The following CARMIL3 variants were observed in gnomAD, a reference collection of about 807,000 sequenced individuals.
CARMIL3 encodes capping protein, Arp2/3 and myosin-I linker protein 3.
In CARMIL3, 88 loss-of-function variants were observed where a neutral mutation model predicts 180.8. That is an observed-to-expected ratio of 0.49 (90% CI 0.41 to 0.58). The LOEUF is 0.58. Ranked by LOEUF, CARMIL3 falls within the 20% of genes least tolerant of loss-of-function variation. The pLI is 0.00. For missense variants in CARMIL3, 1,548 were observed against 1,787.0 expected (o/e 0.87, Z 2.41); for synonymous variants, 696 against 714.5 (o/e 0.97, Z 0.41).
intron 14 of CARMIL3, 137 bp downstream of exon 14, chr14:24,057,381 G>C: frequency 1.3e-6 from 1 of 785,584 alleles, no homozygotes; most frequent in Non-Finnish European, 2.2e-6. Flanking sequence ...GAAGTATAAA[G>C]CAATGTCCAT....
rs769637300 is a variant in CARMIL3 at position 24,065,766 on chromosome 14, G to A, written c.3525+16G>A. The stretch of plus-strand genomic sequence containing the variant: ...GAAACGAGAGGTGAGTGGAGCCTGG[G>A]ACAACAAACTGTGGGTCCTGAGGGT... On this transcript the variant is annotated intron_variant, in intron 34 of 39. Coordinates refer to ENST00000342740, the MANE Select transcript of CARMIL3 (RefSeq NM_138360.4). 1.9e-6 allele frequency: 3 copies of A among 1,613,156 alleles called. No individual in the cohort carries two copies. Among genetic ancestry groups the A allele is most frequent in the South Asian group, 1.1e-5 (1 of 90,986 alleles).
Position 24,057,895 on chromosome 14 carries a change from G to A in CARMIL3, c.1217+16G>A, listed in dbSNP as rs1255855227. 3.1e-6 allele frequency: 5 copies of A among 1,612,932 alleles called. No homozygotes were observed. The highest frequency in any genetic ancestry group is 2.7e-5 in the African/African-American group (2 of 74,866). On this transcript the variant is annotated intron_variant, in intron 15 of 39. Transcript: ENST00000342740. ...GCTCCCACAGGTGGGAGAGGAGGGG[G>A]AAGGGAGGACAGGGCAAGACATGGC...
chr14:24,068,786 C>T lies in CARMIL3; in HGVS notation c.3802C>T (p.Leu1268=). Residue 1268 remains leucine (L), a splice_region_variant and synonymous_variant, in exon 38 of 40, where the codon CTA becomes TTA. Transcript: ENST00000342740. ...CCCAGCATCTTCCTTCCTCTGCCAG[C>T]TACAGGACCCCGCTCTAGCTCCATG... The part of the protein sequence containing the change: ...ERTLPARNAK[L]QDPALAPWPP... 2 of 1,614,066 alleles carry T rather than the reference C, an allele frequency of 1.2e-6. No individual in the cohort carries two copies. Among genetic ancestry groups the T allele is most frequent in the African/African-American group, 1.3e-5 (1 of 75,056 alleles).
intron 14 of CARMIL3, 49 bp from the exon 15 acceptor site, chr14:24,057,754 C>G: frequency 6.5e-7 from 1 of 1,527,232 alleles, no homozygotes; most frequent in Non-Finnish European, 8.9e-7. Flanking sequence ...TCCTGCCACC[C>G]CCTACCCCCT....
Position 24,065,651 on chromosome 14 carries a change from G to A in CARMIL3, c.3426G>A (p.Gly1142=), listed in dbSNP as rs112875120. The A allele has an allele frequency of 1.9e-3, 3,016 of 1,613,322 alleles. 75 individuals carry two copies. The African/African-American group carries it at 0.034, about 18-fold the overall frequency. The change falls in exon 34 of 40, where the codon GGG becomes GGA. Residue 1142 remains glycine, a synonymous_variant. Transcript: ENST00000342740. The stretch of plus-strand genomic sequence containing the variant: ...CTGAGGGGTCAGAGCCAGGGGAGGG[G>A]GGCCCAGCCCCTGGGACAGCACAGC... ...MGTEGSEPGE[G]GPAPGTAQQP...
In CARMIL3 at chr14:24,065,878, C is replaced by G. The variant is rs575649259; in HGVS notation, c.3525+128C>G. 11 of 1,347,234 alleles carry G rather than the reference C, an allele frequency of 8.2e-6. No homozygotes were observed. In the East Asian group the frequency reaches 2.5e-4, roughly 30 times the overall value. The allele number at this position is 1,347,234 out of a possible 1,614,324, so 83.5% of individuals were successfully genotyped here. ...ATGCTTTGGCATTAGAAGATGTTAG[C>G]TGCTCTTCAGCCCCCACCACACACT... On this transcript the variant is annotated intron_variant, in intron 34 of 39. Transcript: ENST00000342740.
rs747254517 is a variant in CARMIL3 at position 24,054,478 on chromosome 14, G to C, written c.329G>C (p.Ser110Thr). The change falls in exon 5 of 40, where the codon AGC (serine) becomes ACC (threonine). Residue 110 changes from serine (S) to threonine (T), a missense_variant. Transcript: ENST00000342740. The surrounding 1 kb of genome is among the most constrained non-coding windows in gnomAD (Gnocchi z 5.1). ...ESVDQVTRHV[S>T]SALSKVCPGP... ...GTGGACCAGGTGACACGACATGTGA[G>C]CTCTGCCCTGTCCAAGGTCTGCCCT... 5.6e-6 allele frequency: 9 copies of C among 1,613,992 alleles called. No homozygotes were observed. The highest frequency in any genetic ancestry group is 8.5e-7 in the Non-Finnish European group (1 of 1,180,038).
intron 31 of CARMIL3, 22 bp from the exon 32 acceptor site, chr14:24,064,224 C>T: frequency 1.3e-6 from 2 of 1,585,708 alleles, no homozygotes; most frequent in Non-Finnish European, 1.7e-6. Flanking sequence ...TGAGATGTCC[C>T]ACGGGACTTT....
Position 24,059,628 on chromosome 14 carries a change from G to A in CARMIL3, c.1800-36G>A, listed in dbSNP as rs1399371490. On this transcript the variant is annotated intron_variant, in intron 21 of 39. Coordinates refer to ENST00000342740, the MANE Select transcript of CARMIL3 (RefSeq NM_138360.4). This position sits in a 1 kb window ranked among gnomAD's most constrained non-coding sequence, Gnocchi z 6.3. ...CCTGGCCCCTAGTAGGGACCCAGGA[G>A]GAGAGGTGCCAAACTGGTGCTTACC... 1 of 1,610,972 alleles carries A rather than the reference G, an allele frequency of 6.2e-7. No individual in the cohort carries two copies. The highest frequency in any genetic ancestry group is 1.1e-5 in the South Asian group (1 of 90,712).
Position 24,056,207 on chromosome 14 carries a change from C to T in CARMIL3, c.771-92C>T, listed in dbSNP as rs2035669990. The stretch of plus-strand genomic sequence containing the variant: ...GTGGGGGCCTCTGACCATGCAGCCC[C>T]AGCCAGGCAGTCAGGTAGAGGAGGA... On this transcript the variant is annotated intron_variant, in intron 10 of 39. Coordinates refer to ENST00000342740, the MANE Select transcript of CARMIL3 (RefSeq NM_138360.4). 1.3e-5 allele frequency: 14 copies of T among 1,065,718 alleles called. No homozygotes were observed. In the South Asian group the frequency reaches 2.1e-4, roughly 16 times the overall value. 66.0% of individuals were successfully genotyped at this position (1,065,718 alleles called of 1,614,324 possible). A position where few individuals can be genotyped will look rare whatever the true frequency, so the allele number is the denominator to read the frequency against.
In CARMIL3 at chr14:24,061,816, C is replaced by A; in HGVS notation, c.2480+144C>A. 1 of 981,204 alleles carries A rather than the reference C, an allele frequency of 1.0e-6. No homozygotes were observed. The highest frequency in any genetic ancestry group is 1.5e-6 in the Non-Finnish European group (1 of 684,978). 60.8% of individuals were successfully genotyped at this position (981,204 alleles called of 1,614,324 possible). ...CAATCTTTAACCAAGTGCAACCTTG[C>A]TATTTAGGGTCTGGCTGGTCTTTGC... On this transcript the variant is annotated intron_variant, in intron 27 of 39. Coordinates refer to ENST00000342740, the MANE Select transcript of CARMIL3 (RefSeq NM_138360.4). This position sits in a 1 kb window ranked among gnomAD's most constrained non-coding sequence, Gnocchi z 4.1.
In CARMIL3 at chr14:24,064,803, G is replaced by A. The variant is rs577627265; in HGVS notation, c.3081-155G>A. Among the ~76,000 whole-genome samples, 9 of 152,276 alleles carry A rather than the reference G, an allele frequency of 5.9e-5. No homozygotes were observed. The East Asian group carries it at 1.5e-3, about 26-fold the overall frequency. On this transcript the variant is annotated intron_variant, in intron 32 of 39. Transcript: ENST00000342740. Reference sequence around the variant, plus strand: ...GGAAAGGCTGCTGGAGGATTACAACGGGACAGGAAAGGCAAGGGCATCATC... The same window carrying A: ...GGAAAGGCTGCTGGAGGATTACAACAGGACAGGAAAGGCAAGGGCATCATC...
At chr14:24,062,876 A>G (rs753574924) in intron 29 of CARMIL3, 30 bp downstream of exon 29, 2 of 1,584,548 alleles carry the variant, frequency 1.3e-6, no homozygotes, top group African/African-American at 1.3e-5. Flanking sequence ...CTCCTCCTTA[A>G]TAACCTGGGC....
At position 24,059,732 on chromosome 14, in the gene CARMIL3, G is replaced by A. The variant is rs2035712671; in HGVS notation, c.1868G>A (p.Ser623Asn). 1.2e-6 allele frequency: 2 copies of A among 1,613,930 alleles called. No individual in the cohort carries two copies. The highest frequency in any genetic ancestry group is 1.7e-5 in the Admixed American group (1 of 59,988). Residue 623 changes from serine (S) to asparagine (N), a missense_variant and splice_region_variant, in exon 22 of 40, where the codon AGC (serine) becomes AAC (asparagine). By Grantham distance (46) the Ser-to-Asn change is conservative (BLOSUM62 1). Coordinates refer to ENST00000342740, the MANE Select transcript of CARMIL3 (RefSeq NM_138360.4). The surrounding 1 kb of genome is among the most constrained non-coding windows in gnomAD (Gnocchi z 6.3). ...CTGGACATCGCAAGGGCCCTGGAGAGGTGAGTAGACCATGGTCCTGCCCTG... is the reference window on the plus strand; with the variant it reads ...CTGGACATCGCAAGGGCCCTGGAGAAGTGAGTAGACCATGGTCCTGCCCTG... ...GFLDIARALE[S>N]NHTLRFMSFP...
Position 24,056,339 on chromosome 14 carries a change from G to A in CARMIL3, c.811G>A (p.Gly271Arg), listed in dbSNP as rs757549421. Residue 271 changes from glycine to arginine, a missense_variant, in exon 11 of 40, where the codon GGG (glycine) becomes AGG (arginine). Physicochemically the swap from Gly to Arg is moderately radical, Grantham distance 125. This residue lies in a region of CARMIL3 where 578 missense variants were observed against 666.5 expected (regional missense o/e 0.87). Transcript: ENST00000342740. ...GCTGGCCGGGGTGTTTGGGGAGAAC[G>A]GGAGCTGTGTGCTGCATGCCCTCAC... ...QKLAGVFGEN[G>R]SCVLHALTLS... The A allele has an allele frequency of 1.2e-5, 20 of 1,613,900 alleles. No homozygotes were observed. The highest frequency in any genetic ancestry group is 8.9e-5 in the East Asian group (4 of 44,886).
Position 24,069,308 on chromosome 14 carries a change from C to A in CARMIL3, c.4093+61C>A, listed in dbSNP as rs370157799. ...CCTATCTGTCCAACATGACACCCCC[C>A]GAAGCCCCAACACCAGGTGGCTGGC... is the stretch of plus-strand genomic sequence containing the variant. On this transcript the variant is annotated intron_variant, in intron 39 of 39. Transcript: ENST00000342740. 3.7e-6 allele frequency: 6 copies of A among 1,612,946 alleles called. No homozygotes were observed. In the African/African-American group the frequency reaches 8.0e-5, roughly 22 times the overall value.
At position 24,069,359 on chromosome 14, in the gene CARMIL3, C is replaced by T; in HGVS notation, c.4094-20C>T. ...TGTCCCTGCCCAGGAAACAGGGCTC[C>T]CTGGATTTGTCCCCAGCAGGAACCA... is the stretch of plus-strand genomic sequence containing the variant. On this transcript the variant is annotated intron_variant, in intron 39 of 39. Coordinates refer to ENST00000342740, the MANE Select transcript of CARMIL3 (RefSeq NM_138360.4). 1 of 1,614,130 alleles carries T rather than the reference C, an allele frequency of 6.2e-7. No homozygotes were observed. Among genetic ancestry groups the T allele is most frequent in the Non-Finnish European group, 8.5e-7 (1 of 1,179,994 alleles).
At position 24,065,834 on chromosome 14, in the gene CARMIL3, G is replaced by T. The variant is rs2035781765; in HGVS notation, c.3525+84G>T. 3 of 1,544,168 alleles carry T rather than the reference G, an allele frequency of 1.9e-6. No individual in the cohort carries two copies. In the African/African-American group the frequency reaches 4.1e-5, roughly 21 times the overall value. ...TCCTTCCCACTCCCTCATCCCTGGT[G>T]GTTCAGTAGAGAAAGCAGATGCTTT... On this transcript the variant is annotated intron_variant, in intron 34 of 39. Transcript: ENST00000342740.
In CARMIL3 at chr14:24,054,389, C is replaced by T. The variant is rs752419436; in HGVS notation, c.247-7C>T. ...AGTCTGAGGCTCTGACGCTTCGTCT[C>T]CCCCAGATCCTGGTGGAGACGGAGC... On this transcript the variant is annotated splice_polypyrimidine_tract_variant and splice_region_variant and intron_variant, in intron 4 of 39. Transcript: ENST00000342740. This position sits in a 1 kb window ranked among gnomAD's most constrained non-coding sequence, Gnocchi z 5.1. 5.0e-6 allele frequency: 8 copies of T among 1,613,852 alleles called. No homozygotes were observed. In the African/African-American group the frequency reaches 9.3e-5, roughly 19 times the overall value.
Sources: gnomAD v4.1 joint callset for allele counts (sites outside exome capture counted in the v4.1 genomes callset) on GRCh38, gnomAD v4.1.1 for gene constraint, gnomAD v4.1.1 regional missense constraint, Gnocchi (gnomAD v3.1) non-coding constraint, MANE v1.5 for transcripts, NCBI Gene and HGNC (gene_info 2026-07-23, HGNC 2026-07-21) for gene names.